The following SEC14L1 variants were observed in gnomAD, a reference collection of about 807,000 sequenced individuals.
SEC14L1 encodes the protein SEC14 like lipid binding 1.
In SEC14L1, 48 loss-of-function variants were observed where a neutral mutation model predicts 85.3. The observed-to-expected ratio is 0.56, with a 90% CI of 0.45 to 0.72. SEC14L1 has a LOEUF of 0.72. Ranked by LOEUF, SEC14L1 falls within the 30% of genes least tolerant of loss-of-function variation. The probability of loss-of-function intolerance (pLI) is 0.00; values close to 1 mark genes in which losing one functional copy is unlikely to be tolerated. For synonymous variants in SEC14L1, 391 were observed against 355.5 expected (o/e 1.10, Z -1.12); for missense variants, 682 against 921.4 (o/e 0.74, Z 3.36).
At chr17:77,200,993 T>C (rs955991466) in intron 9 of SEC14L1, among the ~76,000 whole-genome samples, 12 of 152,270 alleles carry the variant, frequency 7.9e-5, no homozygotes, top group African/African-American at 2.9e-4. Context: ...GCAGTGCCTC[T>C]GGCAGAGTAT....
intron 15 of SEC14L1, chr17:77,212,592 C>T (rs560936038): frequency 3.0e-4 from 61 of 204,576 alleles, no homozygotes; most frequent in Non-Finnish European, 5.6e-4. Context: ...TATTAGCTCT[C>T]ATTACCAAAC....
At chr17:77,105,373 A>AC (rs796673679) in intron 3 of SEC14L1, among the ~76,000 whole-genome samples, 20,944 of 80,892 alleles carry the variant, frequency 0.26, 2,313 homozygotes, top group Non-Finnish European at 0.28. Flanking sequence ...CTCGCTGACC[A>AC]CCCCCCCCCC....
chr17:77,143,454 A>T (rs1252288406), intron 2 of SEC14L1, 113 bp from the exon 3 acceptor site: 1 of 605,500 alleles, frequency 1.7e-6, no homozygotes, highest in Non-Finnish European at 2.9e-6. Context: ...TAGAATTATG[A>T]CCTATTGTGG....
chr17:77,125,874 G>A (rs117227365), intron 3 of SEC14L1, among the ~76,000 whole-genome samples: 1,696 of 152,318 alleles, frequency 0.011, 23 homozygotes, highest in East Asian at 0.047. Context: ...GAATGGGGCC[G>A]GGCGGGGTGG....
intron 10 of SEC14L1, among the ~76,000 whole-genome samples, chr17:77,205,017 G>A (rs890648846): frequency 6.6e-6 from 1 of 152,156 alleles, no homozygotes; most frequent in African/African-American, 2.4e-5. Flanking sequence ...TGCTCATCTG[G>A]GGATACCTCT....
At chr17:77,201,745 G>A (rs1422684098) in intron 9 of SEC14L1, among the ~76,000 whole-genome samples, 2 of 152,076 alleles carry the variant, frequency 1.3e-5, no homozygotes, top group African/African-American at 2.4e-5. Context: ...CATTGCGCCC[G>A]GCCTCAACAA....
At chr17:77,147,946 A>G (rs947932552) in intron 3 of SEC14L1, among the ~76,000 whole-genome samples, 48 of 152,282 alleles carry the variant, frequency 3.2e-4, no homozygotes, top group African/African-American at 1.1e-3. Context: ...TCAGTGAAGG[A>G]CACTGATTGA....
In SEC14L1 at chr17:77,191,005, G is replaced by T; in HGVS notation, c.213+53G>T. On this transcript the variant is annotated intron_variant, in intron 4 of 16. Transcript: ENST00000436233. ...GGAAAGGGCGTCCTGGTGGGAGAGGGCGTCCTGGTGGGAGAGGGCGTCCTG... is the reference window on the plus strand; with the variant it reads ...GGAAAGGGCGTCCTGGTGGGAGAGGTCGTCCTGGTGGGAGAGGGCGTCCTG... 6 of 1,600,040 alleles carry T rather than the reference G, an allele frequency of 3.7e-6. No homozygotes were observed. In the South Asian group the frequency reaches 6.7e-5, roughly 18 times the overall value.
intron 3 of SEC14L1, among the ~76,000 whole-genome samples, chr17:77,114,704 G>T (rs1233498034): frequency 6.6e-6 from 1 of 150,684 alleles, no homozygotes; most frequent in Non-Finnish European, 1.5e-5. Flanking sequence ...GCATGGTGGC[G>T]CATGCCTGTA....
chr17:77,142,205 C>G (rs922778958), intron 1 of SEC14L1, among the ~76,000 whole-genome samples: 1 of 152,126 alleles, frequency 6.6e-6, no homozygotes, highest in African/African-American at 2.4e-5. Context: ...ATGTTTTCCA[C>G]CATGACCTCT....
chr17:77,205,449 G>T lies in SEC14L1; in HGVS notation c.1169+103G>T. 3 of 1,012,574 alleles carry T rather than the reference G, an allele frequency of 3.0e-6. No homozygotes were observed. In the East Asian group the frequency reaches 7.7e-5, roughly 26 times the overall value. The allele number at this position is 1,012,574 out of a possible 1,614,324, so 62.7% of individuals were successfully genotyped here. A position where few individuals can be genotyped will look rare whatever the true frequency, so the allele number is the denominator to read the frequency against. On this transcript the variant is annotated intron_variant, in intron 11 of 16. Transcript: ENST00000436233. ...AAATCTACTTATTATTTTCCAAGGT[G>T]CTCTAAAAGGTAGACAAGAAGTGAA...
Position 77,212,600 on chromosome 17 carries a change from A to G in SEC14L1, c.1863+399A>G, listed in dbSNP as rs191518025. The G allele has an allele frequency of 5.1e-5, 10 of 194,966 alleles. No individual in the cohort carries two copies. In the East Asian group the frequency reaches 1.4e-3, roughly 28 times the overall value. The allele number at this position is 194,966 out of a possible 1,614,324, so 12.1% of individuals were successfully genotyped here. A position where few individuals can be genotyped will look rare whatever the true frequency, so the allele number is the denominator to read the frequency against. ...AGAGAACTATTAGCTCTCATTACCAAACCTTCTAATTTGTTTCAAATGCTT... is the reference window on the plus strand; with the variant it reads ...AGAGAACTATTAGCTCTCATTACCAGACCTTCTAATTTGTTTCAAATGCTT... On this transcript the variant is annotated intron_variant, in intron 15 of 16. Coordinates refer to ENST00000436233, the MANE Select transcript of SEC14L1 (RefSeq NM_001143998.2).
intron 3 of SEC14L1, chr17:77,128,019 C>T (rs1290600587): frequency 1.3e-5 from 2 of 152,262 alleles, no homozygotes; most frequent in African/African-American, 4.8e-5. Context: ...TTTGATTTCA[C>T]CTCCAGAGCT....
intron 3 of SEC14L1, among the ~76,000 whole-genome samples, chr17:77,169,862 G>A (rs1334020587): frequency 7.2e-5 from 11 of 152,158 alleles, no homozygotes; most frequent in African/African-American, 2.4e-4. Flanking sequence ...GGAGTTGACA[G>A]GTGGAGGGGG....
upstream of SEC14L1, among the ~76,000 whole-genome samples, chr17:77,139,575 G>A (rs1164162400): frequency 6.1e-5 from 9 of 147,804 alleles, no homozygotes; most frequent in African/African-American, 2.0e-4. Context: ...TCGGCTCACT[G>A]CAAGCTCTGC....
intron 3 of SEC14L1, among the ~76,000 whole-genome samples, chr17:77,098,760 C>T (rs534658536): frequency 6.6e-5 from 10 of 152,294 alleles, no homozygotes; most frequent in East Asian, 1.9e-4. Context: ...GAGCTCACCC[C>T]GTGGTTTTGG....
At chr17:77,208,367 C>G (rs2143185623) in intron 13 of SEC14L1, among the ~76,000 whole-genome samples, 1 of 152,262 alleles carries the variant, frequency 6.6e-6, no homozygotes, top group South Asian at 2.1e-4. Flanking sequence ...GCTAGCCATC[C>G]CGTGTTGTTG....
intron 3 of SEC14L1, among the ~76,000 whole-genome samples, chr17:77,134,367 A>G (rs1972721901): frequency 6.6e-6 from 1 of 151,838 alleles, no homozygotes; most frequent in Non-Finnish European, 1.5e-5. Flanking sequence ...CTACTGGCTC[A>G]GCCTCCCAAG....
chr17:77,102,437 GAGAA>G (rs1225459004), intron 3 of SEC14L1, among the ~76,000 whole-genome samples: 5 of 152,212 alleles, frequency 3.3e-5, no homozygotes, highest in Admixed American at 3.3e-4. Flanking sequence ...GAAAAGGACA[GAGAA>G]AGAAATTCTG....
Sources: allele counts gnomAD v4.1 joint callset (sites outside exome capture counted in the v4.1 genomes callset), GRCh38; gene constraint gnomAD v4.1.1; transcripts MANE v1.5; gene names NCBI Gene and HGNC (gene_info 2026-07-23, HGNC 2026-07-21).